The following MATN2 variants were observed in gnomAD, a reference collection of about 807,000 sequenced individuals.
The protein encoded by MATN2 is matrilin 2.
Under a neutral mutation model 103.2 loss-of-function variants are expected in MATN2, and 69 were observed. The ratio of observed to expected loss-of-function variants is 0.67; its 90% CI spans 0.55 to 0.82. The LOEUF is 0.82. MATN2 is among the 40% of genes least tolerant of loss of function. The pLI is 0.00. For missense variants in MATN2, 1,023 were observed against 1,211.5 expected, an observed-to-expected ratio of 0.84 and a Z score of 2.31; for synonymous variants, 429 against 450.2, an observed-to-expected ratio of 0.95 and a Z score of 0.60.
Position 97,913,608 on chromosome 8 carries a change from C to T in MATN2, c.143-17345C>T, listed in dbSNP as rs544831487. Among the ~76,000 whole-genome samples the T allele has an allele frequency of 4.1e-5, 6 of 146,528 alleles. No individual in the cohort carries two copies. In the East Asian group the frequency reaches 1.3e-3, roughly 31 times the overall value. ...AGGATTACAGGTATATGCCACTGCA[C>T]CCTGCCATTTTTTTTTTTTTTTTTG... On this transcript the variant is annotated intron_variant, in intron 2 of 18. Coordinates refer to ENST00000254898, the MANE Select transcript of MATN2 (RefSeq NM_002380.5).
In MATN2 at chr8:97,888,059, G is replaced by A. The variant is rs1818500658; in HGVS notation, c.-26-16G>A. On this transcript the variant is annotated splice_polypyrimidine_tract_variant and intron_variant, in intron 1 of 18. Coordinates refer to ENST00000254898, the MANE Select transcript of MATN2 (RefSeq NM_002380.5). ...AAATCTCACCCTGCCCTCTTCTTGTGTTGTGTTTGTCACAGCCTTGCCCCT... is the reference window on the plus strand; with the variant it reads ...AAATCTCACCCTGCCCTCTTCTTGTATTGTGTTTGTCACAGCCTTGCCCCT... 2 of 1,593,972 alleles carry A rather than the reference G, an allele frequency of 1.3e-6. No homozygotes were observed. The highest frequency in any genetic ancestry group is 2.3e-5 in the East Asian group (1 of 43,032).
At chr8:97,971,924 G>A (rs1411715493) in intron 5 of MATN2, among the ~76,000 whole-genome samples, 1 of 151,968 alleles carries the variant, frequency 6.6e-6, no homozygotes, top group Non-Finnish European at 1.5e-5. Flanking sequence ...GGCCAGGCAT[G>A]GTGGCTCAAG....
At chr8:97,988,187 T>C (rs868709929) in intron 6 of MATN2, among the ~76,000 whole-genome samples, 1 of 93,256 alleles carries the variant, frequency 1.1e-5, no homozygotes, top group African/African-American at 5.3e-5. Flanking sequence ...TATATATATA[T>C]ATACACACAC....
At chr8:97,895,737 G>T (rs1473004380) in intron 2 of MATN2, among the ~76,000 whole-genome samples, 1 of 152,186 alleles carries the variant, frequency 6.6e-6, no homozygotes, top group Non-Finnish European at 1.5e-5. Context: ...CCCTGCTGTG[G>T]GTTGGGACGT....
At chr8:98,020,955 A>G (rs960479871) in intron 12 of MATN2, 1 of 332,820 alleles carries the variant, frequency 3.0e-6, no homozygotes, top group Non-Finnish European at 5.6e-6. Flanking sequence ...AGCACATCTA[A>G]TAATAGGATA....
chr8:97,936,541 C>T (rs543554261), intron 3 of MATN2, among the ~76,000 whole-genome samples: 1 of 151,706 alleles, frequency 6.6e-6, no homozygotes, highest in South Asian at 2.1e-4. Flanking sequence ...CTCCAGCCCA[C>T]CTCCCTACAC....
chr8:97,919,932 T>C (rs966947889), intron 2 of MATN2, among the ~76,000 whole-genome samples: 8 of 152,254 alleles, frequency 5.3e-5, no homozygotes, highest in Middle Eastern at 6.8e-3. Flanking sequence ...GTTTTCAAAA[T>C]AGGTGACCAC....
At chr8:97,961,172 T>A (rs966920496) in intron 4 of MATN2, among the ~76,000 whole-genome samples, 3 of 152,234 alleles carry the variant, frequency 2.0e-5, no homozygotes, top group Non-Finnish European at 4.4e-5. Context: ...CACCAAAATG[T>A]TAACAGTGGT....
intron 4 of MATN2, among the ~76,000 whole-genome samples, chr8:97,956,220 C>G (rs1441811448): frequency 2.0e-5 from 3 of 152,038 alleles, no homozygotes; most frequent in Non-Finnish European, 4.4e-5. Flanking sequence ...TGGAGTTTCC[C>G]AGGCTGGAGT....
chr8:97,930,936 C>G lies in MATN2; in HGVS notation c.143-17C>G. The stretch of plus-strand genomic sequence containing the variant: ...TGGCCTCTCTTCTAATGTATTTGAC[C>G]TCTCCTCTTTCCCCAGAGAGTTCCT... On this transcript the variant is annotated splice_polypyrimidine_tract_variant and intron_variant, in intron 2 of 18. Coordinates refer to ENST00000254898, the MANE Select transcript of MATN2 (RefSeq NM_002380.5). 6.3e-7 allele frequency: 1 copy of G among 1,579,210 alleles called. No individual in the cohort carries two copies. Among genetic ancestry groups the G allele is most frequent in the Non-Finnish European group, 8.6e-7 (1 of 1,158,022 alleles).
intron 16 of MATN2, 46 bp downstream of exon 16, chr8:98,032,363 C>G (rs1214311961): frequency 1.4e-5 from 20 of 1,384,728 alleles, no homozygotes; most frequent in African/African-American, 2.9e-5. Context: ...GTGGAGGGAA[C>G]CATGGTTTCC....
chr8:97,899,682 A>G (rs180736235), intron 2 of MATN2, among the ~76,000 whole-genome samples: 3 of 152,314 alleles, frequency 2.0e-5, no homozygotes, highest in Admixed American at 2.0e-4. Context: ...ACATCTTTGA[A>G]GACCCTAACT....
intron 18 of MATN2, 85 bp from the exon 19 acceptor site, chr8:98,035,572 C>T (rs1286691683): frequency 1.2e-6 from 1 of 816,878 alleles, no homozygotes; most frequent in East Asian, 2.8e-5. Context: ...ATTTCAGAAG[C>T]CAAAATTTTA....
chr8:97,995,554 G>A (rs1812556389), intron 7 of MATN2, among the ~76,000 whole-genome samples: 1 of 152,162 alleles, frequency 6.6e-6, no homozygotes, highest in Non-Finnish European at 1.5e-5. Context: ...CTTCCATTGA[G>A]GGATGTAATT....
chr8:97,945,705 G>GAAAAAAA (rs71303437), intron 4 of MATN2, among the ~76,000 whole-genome samples: 6 of 119,852 alleles, frequency 5.0e-5, no homozygotes, highest in African/African-American at 9.4e-5. Context: ...ACACACTATA[G>GAAAAAAA]AAAAAAAAAA....
At chr8:97,899,741 T>C (rs1216369243) in intron 2 of MATN2, among the ~76,000 whole-genome samples, 1 of 152,210 alleles carries the variant, frequency 6.6e-6, no homozygotes, top group Non-Finnish European at 1.5e-5. Context: ...CTTCAACATA[T>C]GAATCGCGGG....
At chr8:98,015,364 C>T (rs561110812) in intron 10 of MATN2, among the ~76,000 whole-genome samples, 1 of 152,146 alleles carries the variant, frequency 6.6e-6, no homozygotes, top group South Asian at 2.1e-4. Context: ...AGTGACTGCC[C>T]TTCTCTTTCA....
chr8:97,929,646 T>C (rs1810113823), intron 2 of MATN2, among the ~76,000 whole-genome samples: 1 of 152,228 alleles, frequency 6.6e-6, no homozygotes, highest in Non-Finnish European at 1.5e-5. Context: ...GTCATGGTGG[T>C]AAGGGACTTA....
At chr8:97,999,861 C>CTTTT (rs71271182) in intron 7 of MATN2, among the ~76,000 whole-genome samples, 1 of 138,442 alleles carries the variant, frequency 7.2e-6, no homozygotes, top group African/African-American at 2.7e-5. Context: ...GTCACGGATT[C>CTTTT]TTTTTTTTTT....
Sources: gnomAD v4.1 joint callset for allele counts (sites outside exome capture counted in the v4.1 genomes callset) on GRCh38, gnomAD v4.1.1 for gene constraint, MANE v1.5 for transcripts, NCBI Gene and HGNC (gene_info 2026-07-23, HGNC 2026-07-21) for gene names.